R3HDM4: variants seen among roughly 807,000 people sequenced by gnomAD.
The protein encoded by R3HDM4 is R3H domain-containing protein 4.
A neutral mutation model predicts 31.3 loss-of-function variants in R3HDM4; 30 were observed. That is an observed-to-expected ratio of 0.96 (90% CI 0.72 to 1.30). The LOEUF is 1.30. Among genes scored for constraint, R3HDM4 ranks in the 50% most tolerant of loss-of-function variants. R3HDM4 has a pLI of 0.00. For missense variants in R3HDM4, 444 were observed against 366.1 expected, an observed-to-expected ratio of 1.21 and a Z score of -1.74; for synonymous variants, 196 against 156.6, an observed-to-expected ratio of 1.25 and a Z score of -1.88.
chr19:911,195 C>A (rs1401632900), intron 1 of R3HDM4, among the ~76,000 whole-genome samples: 1 of 152,154 alleles, frequency 6.6e-6, no homozygotes, highest in African/African-American at 2.4e-5. Context: ...CCTGTAATCC[C>A]AGCACTTTGG....
intron 1 of R3HDM4, among the ~76,000 whole-genome samples, chr19:910,409 G>A (rs1013750848): frequency 1.1e-4 from 17 of 151,726 alleles, no homozygotes; most frequent in African/African-American, 2.9e-4. Context: ...GCCTGAGCCC[G>A]CAGGTGGAGG....
chr19:913,050 C>CT lies in R3HDM4; in HGVS notation c.71+36_71+37insA. On this transcript the variant is annotated intron_variant, in intron 1 of 7. Coordinates refer to ENST00000361574, the MANE Select transcript of R3HDM4 (RefSeq NM_138774.4). The surrounding 1 kb of genome is among the most constrained non-coding windows in gnomAD (Gnocchi z 5.0). ...TCTCAGGGGAGGGAGCCCAGCCCGC[C>CT]CCCGGCGCCCGCCGCGCCCCGCCCG... 1.1e-6 allele frequency: 1 copy of CT among 886,832 alleles called. No homozygotes were observed. Among genetic ancestry groups the CT allele is most frequent in the Non-Finnish European group, 1.4e-6 (1 of 729,882 alleles). 54.9% of individuals were successfully genotyped at this position (886,832 alleles called of 1,614,324 possible). A position where few individuals can be genotyped will look rare whatever the true frequency, so the allele number is the denominator to read the frequency against.
In R3HDM4 at chr19:905,154, G is replaced by A. The variant is rs544692426; in HGVS notation, c.72-3024C>T. Among the ~76,000 whole-genome samples the A allele has an allele frequency of 5.3e-4, 80 of 152,018 alleles. 3 individuals are homozygous for A. The South Asian group carries it at 0.016, about 31-fold the overall frequency. The stretch of plus-strand genomic sequence containing the variant: ...ACCTGGGAAGCAGAGGTTGCAGTGA[G>A]CCAAGATTGTGCCACTGCACTCCAG... On this transcript the variant is annotated intron_variant, in intron 1 of 7. Transcript: ENST00000361574.
rs367694345 is a variant in R3HDM4 at position 899,537 on chromosome 19, G to T, written c.648-42C>A. ...GTGAGCGCCGTGCAGGGGCTGCAGC[G>T]TGGGGTGTCCGCCCACCTGGCCGCA... On this transcript the variant is annotated intron_variant, in intron 6 of 7. Coordinates refer to ENST00000361574, the MANE Select transcript of R3HDM4 (RefSeq NM_138774.4). This position sits in a 1 kb window ranked among gnomAD's most constrained non-coding sequence, Gnocchi z 6.8. The T allele has an allele frequency of 4.8e-5, 77 of 1,612,484 alleles. No individual in the cohort carries two copies. The highest frequency in any genetic ancestry group is 6.3e-5 in the Non-Finnish European group (74 of 1,179,232).
Position 913,146 on chromosome 19 carries a change from C to A in R3HDM4, c.12G>T (p.Leu4=). MVA[L]ENPECGPEAA... is the part of the protein sequence containing the mutation. ...CCTCCGGGCCGCACTCGGGGTTCTC[C>A]AGCGCGACCATGGCTCGCACGCTGT... Residue 4 remains leucine, a synonymous_variant, in exon 1 of 8, where the codon CTG becomes CTT. Coordinates refer to ENST00000361574, the MANE Select transcript of R3HDM4 (RefSeq NM_138774.4). This position sits in a 1 kb window ranked among gnomAD's most constrained non-coding sequence, Gnocchi z 5.0. 9.2e-7 allele frequency: 1 copy of A among 1,090,246 alleles called. No individual in the cohort carries two copies. The highest frequency in any genetic ancestry group is 1.1e-6 in the Non-Finnish European group (1 of 897,376). 67.5% of individuals were successfully genotyped at this position (1,090,246 alleles called of 1,614,324 possible).
At chr19:898,344 G>C (rs907819857) in intron 7 of R3HDM4, among the ~76,000 whole-genome samples, 2 of 145,330 alleles carry the variant, frequency 1.4e-5, no homozygotes, top group Non-Finnish European at 1.5e-5. Flanking sequence ...GGTGGAGCTT[G>C]CAGTGAGCTG....
rs531959160 is a variant in R3HDM4, at chr19:910,394, G to A, written c.71+2693C>T. ...AGCTACTCGGGAGGCTGGGGCAGGA[G>A]GATCGCCTGAGCCCGCAGGTGGAGG... On this transcript the variant is annotated intron_variant, in intron 1 of 7. Transcript: ENST00000361574. Among the ~76,000 whole-genome samples, 10 of 152,182 alleles carry A rather than the reference G, an allele frequency of 6.6e-5. 1 individual carries two copies. The highest frequency in any genetic ancestry group is 6.8e-3 in the Middle Eastern group (2 of 294).
chr19:904,428 C>G (rs937048277), intron 1 of R3HDM4, among the ~76,000 whole-genome samples: 2 of 152,082 alleles, frequency 1.3e-5, no homozygotes, highest in African/African-American at 4.8e-5. Context: ...GTCGAAAATC[C>G]CTAATAGCAT....
intron 1 of R3HDM4, among the ~76,000 whole-genome samples, chr19:908,912 G>C (rs1021926971): frequency 3.3e-5 from 5 of 152,306 alleles, no homozygotes; most frequent in African/African-American, 7.2e-5. Flanking sequence ...GCCGCCCCCC[G>C]GTCCTGGCCT....
chr19:899,928 TG>T lies in R3HDM4; in HGVS notation c.561+132del. The T allele has an allele frequency of 1.0e-6, 1 of 978,698 alleles. No homozygotes were observed. The highest frequency in any genetic ancestry group is 1.6e-6 in the Non-Finnish European group (1 of 638,960). 60.6% of individuals were successfully genotyped at this position (978,698 alleles called of 1,614,324 possible). A position where few individuals can be genotyped will look rare whatever the true frequency, so the allele number is the denominator to read the frequency against. ...GCCCCCGCCCTCCTACTCAGGGCCC[TG>T]GTGCCGCTGTCTGTATCCTGCCCTG... On this transcript the variant is annotated intron_variant, in intron 5 of 7. Coordinates refer to ENST00000361574, the MANE Select transcript of R3HDM4 (RefSeq NM_138774.4). The surrounding 1 kb of genome is among the most constrained non-coding windows in gnomAD (Gnocchi z 6.8).
chr19:901,514 C>T lies in R3HDM4; in HGVS notation c.259G>A (p.Gly87Arg), dbSNP rs1249498930. 7 of 1,608,134 alleles carry T rather than the reference C, an allele frequency of 4.4e-6. No homozygotes were observed. The highest frequency in any genetic ancestry group is 5.9e-6 in the Non-Finnish European group (7 of 1,179,758). The stretch of plus-strand genomic sequence containing the variant: ...CCATCCTCCAGGCCAGGCAGGCCCC[C>T]GTCTGTCTCCAGCAGGGTCAGGAGG... Reference protein sequence around the residue: ...QYLLTLLETDGGLPGLEDGDL... With the variant: ...QYLLTLLETDRGLPGLEDGDL... Residue 87 changes from glycine (G) to arginine (R), a missense_variant, in exon 3 of 8, where the codon GGG becomes AGG. Physicochemically the swap from Gly to Arg is moderately radical, Grantham distance 125. Transcript: ENST00000361574.
Position 913,079 on chromosome 19 carries a change from G to C in R3HDM4, c.71+8C>G. On this transcript the variant is annotated splice_region_variant and intron_variant, in intron 1 of 7. Coordinates refer to ENST00000361574, the MANE Select transcript of R3HDM4 (RefSeq NM_138774.4). The surrounding 1 kb of genome is among the most constrained non-coding windows in gnomAD (Gnocchi z 5.0). The stretch of plus-strand genomic sequence containing the variant: ...GGCGCCCGCCGCGCCCCGCCCGCCC[G>C]CGCTCACAGCAGCCGCCGCCCGCCC... 2.0e-6 allele frequency: 2 copies of C among 988,434 alleles called. No homozygotes were observed. Among genetic ancestry groups the C allele is most frequent in the Non-Finnish European group, 1.2e-6 (1 of 818,346 alleles). The allele number at this position is 988,434 out of a possible 1,614,324, so 61.2% of individuals were successfully genotyped here. A position where few individuals can be genotyped will look rare whatever the true frequency, so the allele number is the denominator to read the frequency against.
chr19:901,130 C>CCGGGGTGGGCCCAGCTGTCT (rs1219423518), intron 3 of R3HDM4, 178 bp from the exon 4 acceptor site: 6 of 810,148 alleles, frequency 7.4e-6, no homozygotes, highest in Non-Finnish European at 1.1e-5. Context: ...AAGCGGGGAA[C>CCGGGGTGGGCCCAGCTGTCT]CGGGGTGGGC....
Position 897,242 on chromosome 19 carries a change from G to A in R3HDM4, c.*195C>T, listed in dbSNP as rs2036750523. 3.8e-6 allele frequency: 2 copies of A among 527,248 alleles called. No homozygotes were observed. The highest frequency in any genetic ancestry group is 3.2e-5 in the East Asian group (1 of 30,912). The allele number at this position is 527,248 out of a possible 1,614,324, so 32.7% of individuals were successfully genotyped here. On this transcript the variant is annotated 3_prime_UTR_variant, in exon 8 of 8. Transcript: ENST00000361574. ...GAGTGGGAAGCTTGGAGCTGGGATG[G>A]CATGGGCAGCCCCAGCCGCCAGCGT...
chr19:908,250 G>C (rs1318274618), intron 1 of R3HDM4, among the ~76,000 whole-genome samples: 13 of 151,886 alleles, frequency 8.6e-5, no homozygotes, highest in Admixed American at 5.9e-4. Context: ...GGGTAGACAG[G>C]GGGGCCTGGG....
chr19:902,270 T>TAAA, intron 1 of R3HDM4, 140 bp from the exon 2 acceptor site: 1 of 841,066 alleles, frequency 1.2e-6, no homozygotes. Flanking sequence ...CCTGGGCCCT[T>TAAA]AAAATCCTAT....
intron 1 of R3HDM4, among the ~76,000 whole-genome samples, chr19:912,604 A>G (rs937881737): frequency 1.6e-4 from 4 of 25,074 alleles, no homozygotes; most frequent in East Asian, 1.4e-3. Context: ...GAGTGGGGGG[A>G]GTCGGACCCG....
chr19:912,851 A>G (rs1386745956), intron 1 of R3HDM4, among the ~76,000 whole-genome samples: 2 of 151,554 alleles, frequency 1.3e-5, no homozygotes, highest in African/African-American at 2.4e-5. Flanking sequence ...GAGCGCCAGG[A>G]GGGTGTCCCC....
chr19:904,288 C>T (rs538312328), intron 1 of R3HDM4, among the ~76,000 whole-genome samples: 3 of 152,276 alleles, frequency 2.0e-5, no homozygotes, highest in South Asian at 2.1e-4. Flanking sequence ...ACAGGCGGCT[C>T]GGGTTTGCTG....
Sources: allele counts gnomAD v4.1 joint callset (sites outside exome capture counted in the v4.1 genomes callset), GRCh38; gene constraint gnomAD v4.1.1; non-coding constraint Gnocchi (gnomAD v3.1); transcripts MANE v1.5; gene names NCBI Gene and HGNC (gene_info 2026-07-23, HGNC 2026-07-21).